Variants in AK8 observed in about 807,000 individuals in gnomAD.
The protein encoded by AK8 is adenylate kinase 8.
AK8 carries 44 observed loss-of-function variants against 54.6 expected under a neutral mutation model. The ratio of observed to expected loss-of-function variants is 0.81; its 90% CI spans 0.63 to 1.04. The LOEUF is 1.04. Among genes scored for constraint, AK8 ranks in the 50% least tolerant of loss-of-function variants. AK8 has a pLI of 0.00. For synonymous variants in AK8, 239 were observed against 245.6 expected (o/e 0.97, Z 0.25); for missense variants, 555 against 613.6 (o/e 0.90, Z 1.01).
intron 4 of AK8, among the ~76,000 whole-genome samples, chr9:132,858,222 C>G (rs1437860095): frequency 6.6e-6 from 1 of 152,254 alleles, no homozygotes; most frequent in Non-Finnish European, 1.5e-5. Flanking sequence ...CCCTCCAGCA[C>G]CCAGTGCGGC....
chr9:132,766,268 T>C (rs1838721595), intron 11 of AK8, among the ~76,000 whole-genome samples: 1 of 152,178 alleles, frequency 6.6e-6, no homozygotes, highest in South Asian at 2.1e-4. Flanking sequence ...TGCTCCAACA[T>C]GCCTGGCTGA....
chr9:132,802,303 C>G (rs140125210), intron 10 of AK8, among the ~76,000 whole-genome samples: 2 of 152,348 alleles, frequency 1.3e-5, no homozygotes, highest in East Asian at 3.9e-4. Flanking sequence ...TTCTTTGCTA[C>G]TCCTCCCAGG....
intron 11 of AK8, among the ~76,000 whole-genome samples, chr9:132,738,242 A>G (rs997319598): frequency 6.6e-6 from 1 of 151,852 alleles, no homozygotes; most frequent in African/African-American, 2.4e-5. Context: ...TTTAGTAGAG[A>G]TGAGGTTTTA....
At chr9:132,805,288 T>C (rs1484143674) in intron 10 of AK8, among the ~76,000 whole-genome samples, 2 of 152,088 alleles carry the variant, frequency 1.3e-5, no homozygotes, top group Non-Finnish European at 2.9e-5. Context: ...TTGGGTTGGG[T>C]TTCTTTTTTA....
At chr9:132,801,455 C>A (rs1840454490) in intron 10 of AK8, among the ~76,000 whole-genome samples, 1 of 152,158 alleles carries the variant, frequency 6.6e-6, no homozygotes, top group African/African-American at 2.4e-5. Flanking sequence ...CAGAGGTCGG[C>A]CAGTCTGCAT....
At chr9:132,798,853 C>T (rs528203891) in intron 10 of AK8, among the ~76,000 whole-genome samples, 20 of 152,266 alleles carry the variant, frequency 1.3e-4, no homozygotes, top group African/African-American at 4.3e-4. Flanking sequence ...GGGATGCTCC[C>T]AGGCCTCCAC....
intron 10 of AK8, among the ~76,000 whole-genome samples, chr9:132,801,431 T>C (rs1034872378): frequency 6.6e-6 from 1 of 152,224 alleles, no homozygotes; most frequent in African/African-American, 2.4e-5. Context: ...TATGAAAGTA[T>C]CTGGGAAAAT....
chr9:132,748,302 C>A (rs1240374250), intron 11 of AK8, among the ~76,000 whole-genome samples: 1 of 151,778 alleles, frequency 6.6e-6, no homozygotes, highest in Admixed American at 6.6e-5. Flanking sequence ...CTCTCAGTCT[C>A]TTATCAAACC....
At chr9:132,828,143 T>C in intron 6 of AK8, 59 bp from the exon 7 acceptor site, 2 of 1,449,890 alleles carry the variant, frequency 1.4e-6, no homozygotes, top group East Asian at 2.5e-5. Context: ...GCCACACATT[T>C]GAATATCACA....
intron 11 of AK8, chr9:132,769,236 G>C (rs1236077400): frequency 6.6e-6 from 1 of 152,450 alleles, no homozygotes; most frequent in Non-Finnish European, 1.5e-5. Flanking sequence ...ACTGCCTGGC[G>C]GGCATCTTGA....
intron 9 of AK8, among the ~76,000 whole-genome samples, chr9:132,817,911 G>C (rs565159570): frequency 6.6e-6 from 1 of 152,134 alleles, no homozygotes; most frequent in African/African-American, 2.4e-5. Context: ...GTCACACTTC[G>C]ATACATCGTA....
At chr9:132,812,389 C>T (rs544436085) in intron 10 of AK8, among the ~76,000 whole-genome samples, 16 of 146,502 alleles carry the variant, frequency 1.1e-4, no homozygotes, top group South Asian at 2.2e-4. Flanking sequence ...CACCACCACA[C>T]GTGGCTAATT....
intron 5 of AK8, among the ~76,000 whole-genome samples, chr9:132,831,793 GC>G (rs1842111833): frequency 6.6e-6 from 1 of 152,120 alleles, no homozygotes; most frequent in Non-Finnish European, 1.5e-5. Context: ...AGTGGCTCAT[GC>G]CTGAAATCCC....
intron 2 of AK8, among the ~76,000 whole-genome samples, chr9:132,874,668 G>A (rs961177863): frequency 2.0e-5 from 3 of 152,198 alleles, no homozygotes; most frequent in Non-Finnish European, 2.9e-5. Context: ...CTCATTAACA[G>A]GCTCCGATAA....
intron 5 of AK8, among the ~76,000 whole-genome samples, chr9:132,834,075 C>T (rs1188008105): frequency 3.9e-5 from 6 of 152,362 alleles, no homozygotes; most frequent in South Asian, 2.1e-4. Context: ...GCAGTCCCAA[C>T]GAGGCAAGCT....
At chr9:132,808,382 C>T (rs932117918) in intron 10 of AK8, among the ~76,000 whole-genome samples, 1 of 152,176 alleles carries the variant, frequency 6.6e-6, no homozygotes, top group Non-Finnish European at 1.5e-5. Flanking sequence ...AGCATCTCCC[C>T]AGTCCTCTGT....
chr9:132,730,247 C>T (rs532735883), intron 11 of AK8, among the ~76,000 whole-genome samples: 2 of 152,118 alleles, frequency 1.3e-5, no homozygotes, highest in East Asian at 3.9e-4. Context: ...CAAGAGGCCG[C>T]GCTTTGGTAG....
chr9:132,830,849 C>G (rs1039036942), intron 5 of AK8, among the ~76,000 whole-genome samples: 1 of 152,222 alleles, frequency 6.6e-6, no homozygotes, highest in Non-Finnish European at 1.5e-5. Context: ...CACCCTCCCC[C>G]CTGAAAAAGC....
chr9:132,786,877 AAT>A (rs1839731734), intron 11 of AK8, among the ~76,000 whole-genome samples: 1 of 152,182 alleles, frequency 6.6e-6, no homozygotes, highest in East Asian at 1.9e-4. Flanking sequence ...AACAAAATCA[AAT>A]ATGTCATTAA....
Sources: allele counts gnomAD v4.1 joint callset (sites outside exome capture counted in the v4.1 genomes callset), GRCh38; gene constraint gnomAD v4.1.1; transcripts MANE v1.5; gene names NCBI Gene and HGNC (gene_info 2026-07-23, HGNC 2026-07-21).